The following SCHIP1 variants were observed in gnomAD, a reference collection of about 807,000 sequenced individuals.
The protein encoded by SCHIP1 is schwannomin interacting protein 1.
In SCHIP1, 8 loss-of-function variants were observed where a neutral mutation model predicts 29.7. The observed-to-expected ratio is 0.27, with a 90% CI of 0.16 to 0.49. SCHIP1 has a LOEUF of 0.49. SCHIP1 is among the 20% of genes least tolerant of loss of function. The pLI, the probability that SCHIP1 is intolerant of heterozygous loss-of-function variation, is 0.99. For synonymous variants in SCHIP1, 76 were observed against 94.9 expected (o/e 0.80, Z 1.16); for missense variants, 193 against 294.6 (o/e 0.66, Z 2.52).
intron 5 of SCHIP1, among the ~76,000 whole-genome samples, chr3:159,890,595 T>C (rs796783798): frequency 2.0e-5 from 3 of 152,364 alleles, no homozygotes; most frequent in African/African-American, 7.2e-5. Flanking sequence ...AAAAAAATTC[T>C]ACAACTGCAT....
At chr3:159,619,648 T>C in the SCHIP1 span, among the ~76,000 whole-genome samples, 21 of 152,224 alleles carry the variant, frequency 1.4e-4, no homozygotes, top group Admixed American at 5.9e-4. Flanking sequence ...CAAGAATTTA[T>C]TGGAGTCCAT....
chr3:159,808,367 T>C, the SCHIP1 span: 4 of 152,226 alleles, frequency 2.6e-5, no homozygotes, highest in Non-Finnish European at 4.4e-5. Context: ...GAATCAGCAA[T>C]AGTCCTATGC....
At chr3:159,729,823 C>T in the SCHIP1 span, among the ~76,000 whole-genome samples, 58 of 152,192 alleles carry the variant, frequency 3.8e-4, no homozygotes, top group East Asian at 2.1e-3. Flanking sequence ...ATATTCATTA[C>T]GCAACTATTT....
the SCHIP1 span, among the ~76,000 whole-genome samples, chr3:159,498,353 C>A: frequency 9.9e-5 from 15 of 152,252 alleles, no homozygotes; most frequent in South Asian, 2.9e-3. Flanking sequence ...AAAAGAAGAA[C>A]AACCAGTAAT....
At chr3:159,613,521 T>C in the SCHIP1 span, among the ~76,000 whole-genome samples, 1 of 152,360 alleles carries the variant, frequency 6.6e-6, no homozygotes, top group Admixed American at 6.5e-5. Flanking sequence ...GTTTAAAATA[T>C]TCCTGTTTGA....
At chr3:159,876,372 G>A (rs1028319602) in intron 2 of SCHIP1, among the ~76,000 whole-genome samples, 1 of 152,134 alleles carries the variant, frequency 6.6e-6, no homozygotes, top group Non-Finnish European at 1.5e-5. Flanking sequence ...TGACTCTGCC[G>A]CTTACTAGCA....
the SCHIP1 span, among the ~76,000 whole-genome samples, chr3:159,629,087 A>G: frequency 6.6e-6 from 1 of 152,130 alleles, no homozygotes; most frequent in African/African-American, 2.4e-5. Flanking sequence ...CGGTAATGAT[A>G]ATGCATAATA....
the SCHIP1 span, among the ~76,000 whole-genome samples, chr3:159,534,012 G>A: frequency 1.3e-5 from 2 of 152,192 alleles, no homozygotes; most frequent in Non-Finnish European, 2.9e-5. Context: ...ATTGCAAATG[G>A]TTTGGTCATC....
At chr3:159,639,516 G>A in the SCHIP1 span, among the ~76,000 whole-genome samples, 7 of 152,026 alleles carry the variant, frequency 4.6e-5, no homozygotes, top group African/African-American at 1.7e-4. Flanking sequence ...CAGACCCATA[G>A]AAAAGGTGTG....
At chr3:159,618,413 G>C in the SCHIP1 span, among the ~76,000 whole-genome samples, 1 of 151,484 alleles carries the variant, frequency 6.6e-6, no homozygotes, top group Non-Finnish European at 1.5e-5. Context: ...ACACAGACAA[G>C]AAATGAGTCT....
chr3:159,833,097 A>G, the SCHIP1 span, among the ~76,000 whole-genome samples: 1 of 152,190 alleles, frequency 6.6e-6, no homozygotes, highest in Non-Finnish European at 1.5e-5. Context: ...CACATGGATA[A>G]GGAGGGACTA....
At chr3:159,497,119 G>C in the SCHIP1 span, among the ~76,000 whole-genome samples, 1 of 151,844 alleles carries the variant, frequency 6.6e-6, no homozygotes, top group African/African-American at 2.4e-5. Context: ...GTTGGGGGAG[G>C]GATAGCATTA....
chr3:159,279,890 C>T, the SCHIP1 span, among the ~76,000 whole-genome samples: 2 of 152,094 alleles, frequency 1.3e-5, no homozygotes, highest in African/African-American at 4.8e-5. Context: ...GGCCTCAGTA[C>T]ATTGGATGCA....
the SCHIP1 span, among the ~76,000 whole-genome samples, chr3:159,281,787 G>A: frequency 4.6e-5 from 7 of 151,902 alleles, no homozygotes; most frequent in South Asian, 2.1e-4. Flanking sequence ...TTCATTTATC[G>A]TTGTAATGTG....
At chr3:159,868,042 CACAT>C (rs1714837642) in intron 2 of SCHIP1, among the ~76,000 whole-genome samples, 1 of 131,362 alleles carries the variant, frequency 7.6e-6, no homozygotes, top group African/African-American at 2.6e-5. Flanking sequence ...TATATACACA[CACAT>C]ATACCTATGT....
the SCHIP1 span, among the ~76,000 whole-genome samples, chr3:159,358,458 C>A: frequency 0.11 from 16,539 of 152,202 alleles, 2,744 homozygotes; most frequent in African/African-American, 0.36. Context: ...TGAGCATGAA[C>A]TATAACACCA....
chr3:159,896,826 T>C (rs774263145), exon 7 of SCHIP1: 4 of 1,556,328 alleles, frequency 2.6e-6, no homozygotes, highest in Non-Finnish European at 3.5e-6. Flanking sequence ...GCTTCTGTGG[T>C]TGTAAAAATG....
the SCHIP1 span, among the ~76,000 whole-genome samples, chr3:159,402,655 A>G: frequency 6.6e-6 from 1 of 152,154 alleles, no homozygotes; most frequent in African/African-American, 2.4e-5. Context: ...ACTGGAAACC[A>G]TCATTCTCAG....
chr3:159,647,632 C>G, the SCHIP1 span, among the ~76,000 whole-genome samples: 1 of 152,106 alleles, frequency 6.6e-6, no homozygotes, highest in African/African-American at 2.4e-5. Flanking sequence ...GCACTTTGTC[C>G]TACAAAGCCA....
Sources: allele counts gnomAD v4.1 joint callset (sites outside exome capture counted in the v4.1 genomes callset), GRCh38; gene constraint gnomAD v4.1.1; transcripts MANE v1.5; gene names NCBI Gene and HGNC (gene_info 2026-07-23, HGNC 2026-07-21).